Variants in COL6A3 observed in about 807,000 individuals in gnomAD.
COL6A3 encodes the protein collagen alpha-3(VI) chain.
COL6A3 carries 137 observed loss-of-function variants against 274.1 expected under a neutral mutation model. The observed-to-expected ratio is 0.50, with a 90% CI of 0.44 to 0.58. The LOEUF (loss-of-function observed/expected upper bound fraction) is 0.58. COL6A3 is among the 20% of genes least tolerant of loss of function. The probability of loss-of-function intolerance (pLI) is 0.00; values close to 1 mark genes in which losing one functional copy is unlikely to be tolerated. For synonymous variants in COL6A3, 1,650 were observed against 1,650.6 expected (o/e 1.00, Z 0.01); for missense variants, 3,950 against 4,124.9 (o/e 0.96, Z 1.16).
At chr2:237,377,438 G>T (rs2077879372) in intron 6 of COL6A3, 94 bp from the exon 7 acceptor site, 2 of 1,236,696 alleles carry the variant, frequency 1.6e-6, no homozygotes, top group Non-Finnish European at 1.2e-6. Context: ...ACAGGAGTTG[G>T]TGAAACTCAT....
chr2:237,328,526 A>T (rs1237713506), intron 42 of COL6A3: 2 of 152,254 alleles, frequency 1.3e-5, no homozygotes, highest in Non-Finnish European at 2.9e-5. Flanking sequence ...GCATCGGGTC[A>T]CTATTGGTTT....
At chr2:237,335,831 C>T (rs749490645) in intron 40 of COL6A3, among the ~76,000 whole-genome samples, 1 of 152,208 alleles carries the variant, frequency 6.6e-6, no homozygotes, top group Non-Finnish European at 1.5e-5. Context: ...CTTATTTCAA[C>T]ACGGAAACTT....
At position 237,340,982 on chromosome 2, in the gene COL6A3, A is replaced by G; in HGVS notation, c.7934T>C (p.Leu2645Pro). 2 of 1,614,186 alleles carry G rather than the reference A, an allele frequency of 1.2e-6. No homozygotes were observed. Among genetic ancestry groups the G allele is most frequent in the African/African-American group, 2.7e-5 (2 of 75,050 alleles). ...TGGGCTCATGTCCAGTTGTCTGACC[A>G]GGTACGCTATGTACTTCTTCATCTC... The part of the protein sequence containing the change: ...FNEMKKYIAY[L>P]VRQLDMSPDP... The change falls in exon 38 of 44, where the codon CTG becomes CCG. Residue 2645 changes from leucine to proline, a missense_variant. By Grantham distance (98) the Leu-to-Pro change is moderately conservative (BLOSUM62 -3). Around this residue, in one of 5 missense-constraint regions of COL6A3, gnomAD observed 1,284 missense variants for 1,349.7 expected, o/e 0.95. Transcript: ENST00000295550.
chr2:237,368,555 G>A lies in COL6A3; in HGVS notation c.4900+8C>T. ...ACACTCTGTAGTCATGGGTCACACG[G>A]TGCATACCTGGCCGTGAAGGAGGAG... On this transcript the variant is annotated splice_region_variant and intron_variant, in intron 10 of 43. Coordinates refer to ENST00000295550, the MANE Select transcript of COL6A3 (RefSeq NM_004369.4). This position sits in a 1 kb window ranked among gnomAD's most constrained non-coding sequence, Gnocchi z 4.4. The A allele has an allele frequency of 6.2e-7, 1 of 1,614,084 alleles. No individual in the cohort carries two copies. Among genetic ancestry groups the A allele is most frequent in the Non-Finnish European group, 8.5e-7 (1 of 1,179,980 alleles).
chr2:237,355,231 C>T, intron 23 of COL6A3: 2 of 417,746 alleles, frequency 4.8e-6, no homozygotes, highest in Non-Finnish European at 8.5e-6. Context: ...AATAATGACT[C>T]CTTTTGGCTG....
At position 237,364,414 on chromosome 2, in the gene COL6A3, A is replaced by G; in HGVS notation, c.5853T>C (p.Phe1951=). 1 of 1,613,770 alleles carries G rather than the reference A, an allele frequency of 6.2e-7. No homozygotes were observed. Among genetic ancestry groups the G allele is most frequent in the Non-Finnish European group, 8.5e-7 (1 of 1,179,720 alleles). The change falls in exon 13 of 44, where the codon TTT becomes TTC. Residue 1951 remains phenylalanine, a synonymous_variant. Coordinates refer to ENST00000295550, the MANE Select transcript of COL6A3 (RefSeq NM_004369.4). The surrounding 1 kb of genome is among the most constrained non-coding windows in gnomAD (Gnocchi z 4.6). ...SPDSVKVVIH[F]TDGADGDLAD... is the part of the protein sequence containing the mutation. ...CCAGATCTCCGTCTGCTCCATCAGT[A>G]AAATGAATGACCACCTGCAGATAAG...
At position 237,407,355 on chromosome 2, in the gene COL6A3, T is replaced by C. The variant is rs1278664016; in HGVS notation, c.-31+6598A>G. 6.6e-6 allele frequency among the ~76,000 whole-genome samples: 1 copy of C among 152,228 alleles called. No individual in the cohort carries two copies. The highest frequency in any genetic ancestry group is 1.5e-5 in the Non-Finnish European group (1 of 68,032). ...TCCTTTGTCACCTACTGGGGTCCTT[T>C]GTCACTTACGGGGGTCCTTGTTAGA... is the stretch of plus-strand genomic sequence containing the variant. On this transcript the variant is annotated intron_variant, in intron 1 of 43. Transcript: ENST00000295550. The surrounding 1 kb of genome is among the most constrained non-coding windows in gnomAD (Gnocchi z 4.3).
rs1465227737 is a variant in COL6A3, at chr2:237,344,298, C to T, written c.7668+52G>A. 6.2e-7 allele frequency: 1 copy of T among 1,613,742 alleles called. No individual in the cohort carries two copies. Among genetic ancestry groups the T allele is most frequent in the Admixed American group, 1.7e-5 (1 of 60,020 alleles). On this transcript the variant is annotated intron_variant, in intron 36 of 43. Coordinates refer to ENST00000295550, the MANE Select transcript of COL6A3 (RefSeq NM_004369.4). The surrounding 1 kb of genome is among the most constrained non-coding windows in gnomAD (Gnocchi z 4.8). The stretch of plus-strand genomic sequence containing the variant: ...GAGCATGGACGTGTCTGAGAACCTT[C>T]TCAGAGCCCCAGAAGAAAGGGAGAT...
intron 1 of COL6A3, among the ~76,000 whole-genome samples, chr2:237,404,211 C>G (rs2078667081): frequency 6.6e-6 from 1 of 151,926 alleles, no homozygotes; most frequent in Admixed American, 6.6e-5. Context: ...TGTTTTAATA[C>G]GGGATCAACA....
intron 5 of COL6A3, 124 bp downstream of exon 5, chr2:237,380,791 G>T: frequency 1.1e-6 from 1 of 888,960 alleles, no homozygotes; most frequent in Non-Finnish European, 1.8e-6. Context: ...AATCATGTTC[G>T]TTGCTGCTGT....
At position 237,361,172 on chromosome 2, in the gene COL6A3, A is replaced by G. The variant is rs1172901266; in HGVS notation, c.6159T>C (p.Gly2053=). ...RGPIGSIGPK[G]IPGEDGYRGY... ...CTCGGTAGCCGTCTTCTCCAGGAATACCCTGAAACAAAGTAATCGGGTCCT... is the reference window on the plus strand; with the variant it reads ...CTCGGTAGCCGTCTTCTCCAGGAATGCCCTGAAACAAAGTAATCGGGTCCT... The change falls in exon 16 of 44, where the codon GGT becomes GGC. Residue 2053 remains glycine (G), a splice_region_variant and synonymous_variant. Coordinates refer to ENST00000295550, the MANE Select transcript of COL6A3 (RefSeq NM_004369.4). The surrounding 1 kb of genome is among the most constrained non-coding windows in gnomAD (Gnocchi z 5.1). The G allele has an allele frequency of 6.2e-6, 10 of 1,613,808 alleles. No individual in the cohort carries two copies. Among genetic ancestry groups the G allele is most frequent in the Admixed American group, 1.7e-5 (1 of 59,990 alleles).
In COL6A3 at chr2:237,387,774, C is replaced by G. The variant is rs780353083; in HGVS notation, c.1120G>C (p.Val374Leu). The G allele has an allele frequency of 6.2e-7, 1 of 1,613,930 alleles. No individual in the cohort carries two copies. The highest frequency in any genetic ancestry group is 8.5e-7 in the Non-Finnish European group (1 of 1,179,980). ...TGGGCTCCAAGGCCGAATGAGAACA[C>G]GCTAGCCTGCTTCAGTGCTACCACC... ...YGVVALKQAS[V>L]FSFGLGAQAA... The change falls in exon 4 of 44, where the codon GTG (valine) becomes CTG (leucine). Residue 374 changes from valine (V) to leucine (L), a missense_variant. Val to Leu is a conservative substitution (Grantham distance 32). Around this residue, in one of 5 missense-constraint regions of COL6A3, gnomAD observed 1,934 missense variants for 1,984.3 expected, o/e 0.97. Transcript: ENST00000295550.
At chr2:237,349,408 T>A (rs975932419) in intron 28 of COL6A3, among the ~76,000 whole-genome samples, 8 of 152,238 alleles carry the variant, frequency 5.3e-5, no homozygotes, top group Non-Finnish European at 5.9e-5. Context: ...TGAAGTCTGA[T>A]TTTTTCCCTG....
intron 6 of COL6A3, among the ~76,000 whole-genome samples, chr2:237,377,749 A>G (rs1574717602): frequency 1.2e-5 from 1 of 82,392 alleles, no homozygotes; most frequent in South Asian, 3.8e-4. Context: ...CAATCTCTAG[A>G]AAAAAAAAGG....
intron 4 of COL6A3, among the ~76,000 whole-genome samples, chr2:237,385,313 A>G (rs538956578): frequency 2.6e-5 from 4 of 152,326 alleles, no homozygotes; most frequent in African/African-American, 9.6e-5. Context: ...TTTGTTGAAT[A>G]TTTACAAGTT....
At chr2:237,385,345 T>C (rs2078118101) in intron 4 of COL6A3, among the ~76,000 whole-genome samples, 1 of 152,260 alleles carries the variant, frequency 6.6e-6, no homozygotes, top group Admixed American at 6.5e-5. Flanking sequence ...TTAAACATGA[T>C]GTTTGTAATC....
At chr2:237,325,988 G>A in intron 42 of COL6A3, 2 of 355,490 alleles carry the variant, frequency 5.6e-6, no homozygotes, top group East Asian at 9.1e-5. Context: ...CCAAATGCTG[G>A]CAATGGTTAT....
intron 1 of COL6A3, among the ~76,000 whole-genome samples, 173 bp from the exon 2 acceptor site, chr2:237,397,020 T>TAGATAGAC (rs2078460410): frequency 1.4e-5 from 2 of 144,566 alleles, no homozygotes; most frequent in Admixed American, 1.4e-4. Context: ...AGATAGATGA[T>TAGATAGAC]AGATAGATAG....
chr2:237,363,434 G>C (rs1559231658), intron 13 of COL6A3, 36 bp from the exon 14 acceptor site: 1 of 1,613,512 alleles, frequency 6.2e-7, no homozygotes, highest in Non-Finnish European at 8.5e-7. Context: ...AGCTCACCTA[G>C]GCATGTGGAA....
Sources: gnomAD v4.1 joint callset for allele counts (sites outside exome capture counted in the v4.1 genomes callset) on GRCh38, gnomAD v4.1.1 for gene constraint, gnomAD v4.1.1 regional missense constraint, Gnocchi (gnomAD v3.1) non-coding constraint, MANE v1.5 for transcripts, NCBI Gene and HGNC (gene_info 2026-07-23, HGNC 2026-07-21) for gene names.